FOXK2: variants seen among roughly 807,000 people sequenced by gnomAD.
The protein encoded by FOXK2 is forkhead box K2.
In FOXK2, 24 loss-of-function variants were observed where a neutral mutation model predicts 53.3. That is an observed-to-expected ratio of 0.45 (90% CI 0.33 to 0.63). FOXK2 has a LOEUF of 0.63. Ranked by LOEUF, FOXK2 falls within the 30% of genes least tolerant of loss-of-function variation. The pLI, the probability that FOXK2 is intolerant of heterozygous loss-of-function variation, is 0.03. For missense variants in FOXK2, 952 were observed against 910.5 expected, an observed-to-expected ratio of 1.05 and a Z score of -0.59; for synonymous variants, 505 against 407.1, an observed-to-expected ratio of 1.24 and a Z score of -2.89.
chr17:82,531,755 A>G lies in FOXK2; in HGVS notation c.419+11448A>G, dbSNP rs185224389. Among the ~76,000 whole-genome samples, 213 of 152,344 alleles carry G rather than the reference A, an allele frequency of 1.4e-3. 2 individuals carry two copies. The highest frequency in any genetic ancestry group is 3.4e-3 in the Middle Eastern group (1 of 294). On this transcript the variant is annotated intron_variant, in intron 1 of 8. Coordinates refer to ENST00000335255, the MANE Select transcript of FOXK2 (RefSeq NM_004514.4). ...TCAGCAGAGCTTGCAGGACGGGGTGAGTCAGTGAGTAAATGGTGAGTGAAT... is the reference window on the plus strand; with the variant it reads ...TCAGCAGAGCTTGCAGGACGGGGTGGGTCAGTGAGTAAATGGTGAGTGAAT...
At chr17:82,571,471 G>T (rs1460348633) in intron 3 of FOXK2, among the ~76,000 whole-genome samples, 1 of 152,000 alleles carries the variant, frequency 6.6e-6, no homozygotes, top group East Asian at 1.9e-4. Context: ...CGCGGTGGCA[G>T]GCGCCTGTGA....
intron 1 of FOXK2, among the ~76,000 whole-genome samples, chr17:82,526,843 AAAAG>A (rs1326466706): frequency 2.0e-5 from 3 of 152,126 alleles, no homozygotes; most frequent in Non-Finnish European, 2.9e-5. Context: ...AAAAAAAAAA[AAAAG>A]AAAGAAATGG....
At chr17:82,569,799 G>C (rs1396889544) in intron 3 of FOXK2, among the ~76,000 whole-genome samples, 2 of 151,868 alleles carry the variant, frequency 1.3e-5, no homozygotes, top group Non-Finnish European at 2.9e-5. Context: ...GTTCAAAGCT[G>C]TGGTGAGCTA....
chr17:82,550,863 A>G (rs1053577549), intron 1 of FOXK2, among the ~76,000 whole-genome samples: 6 of 152,168 alleles, frequency 3.9e-5, no homozygotes, highest in Non-Finnish European at 8.8e-5. Flanking sequence ...CCTTGTCTGT[A>G]TGGAAAAGTT....
intron 1 of FOXK2, among the ~76,000 whole-genome samples, chr17:82,538,409 CG>C (rs1599883220): frequency 6.6e-6 from 1 of 152,186 alleles, no homozygotes; most frequent in Admixed American, 6.5e-5. Flanking sequence ...CACTTGAGCC[CG>C]GGAAGTTGAG....
intron 1 of FOXK2, among the ~76,000 whole-genome samples, chr17:82,556,740 A>C (rs140133384): frequency 1.3e-5 from 2 of 151,772 alleles, no homozygotes; most frequent in African/African-American, 4.8e-5. Flanking sequence ...TTTGTCACCC[A>C]GGCTAGAGTG....
At position 82,586,130 on chromosome 17, in the gene FOXK2, C is replaced by T. The variant is rs7212607; in HGVS notation, c.1506C>T (p.Val502=). 6.2e-7 allele frequency: 1 copy of T among 1,612,506 alleles called. No individual in the cohort carries two copies. The highest frequency in any genetic ancestry group is 1.1e-5 in the South Asian group (1 of 91,060). ...ACACTGTCTCTGGACAAGCTGTGGTCACCCCGGCAGCCGTGCTGGCCCCTC... is the reference window on the plus strand; with the variant it reads ...ACACTGTCTCTGGACAAGCTGTGGTTACCCCGGCAGCCGTGCTGGCCCCTC... ...NTYTVSGQAV[V]TPAAVLAPPK... The change falls in exon 7 of 9, where the codon GTC becomes GTT. Residue 502 remains valine (V), a synonymous_variant. Coordinates refer to ENST00000335255, the MANE Select transcript of FOXK2 (RefSeq NM_004514.4).
At chr17:82,540,438 C>G (rs950050602) in intron 1 of FOXK2, among the ~76,000 whole-genome samples, 3 of 152,148 alleles carry the variant, frequency 2.0e-5, no homozygotes, top group Non-Finnish European at 4.4e-5. Context: ...TCCTTCTGCA[C>G]GTAATCTGTT....
At chr17:82,574,686 G>A (rs964193391) in intron 4 of FOXK2, among the ~76,000 whole-genome samples, 2 of 152,134 alleles carry the variant, frequency 1.3e-5, no homozygotes, top group Admixed American at 6.6e-5. Flanking sequence ...ACCCTCACGG[G>A]CTCTTCCTGT....
chr17:82,520,262 G>A lies in FOXK2; in HGVS notation c.374G>A (p.Gly125Asp). The A allele has an allele frequency of 1.6e-6, 2 of 1,281,120 alleles. No individual in the cohort carries two copies. The highest frequency in any genetic ancestry group is 2.0e-6 in the Non-Finnish European group (2 of 1,010,322). The allele number at this position is 1,281,120 out of a possible 1,614,324, so 79.4% of individuals were successfully genotyped here. The part of the protein sequence containing the change: ...CLGKNGVFVD[G>D]VFQRRGAPPL... ...GGCAAGAACGGGGTATTCGTGGACG[G>A]CGTGTTCCAGAGGCGCGGGGCGCCG... The change falls in exon 1 of 9, where the codon GGC becomes GAC. Residue 125 changes from glycine (G) to aspartate (D), a missense_variant. Coordinates refer to ENST00000335255, the MANE Select transcript of FOXK2 (RefSeq NM_004514.4).
intron 4 of FOXK2, among the ~76,000 whole-genome samples, chr17:82,574,229 G>T (rs570950419): frequency 6.6e-6 from 1 of 152,092 alleles, no homozygotes; most frequent in Non-Finnish European, 1.5e-5. Context: ...GGCCACTCCT[G>T]TGTCATTTCA....
At position 82,602,763 on chromosome 17, in the gene FOXK2, G is replaced by C. The variant is rs1003905027; in HGVS notation, c.*1264G>C. The C allele has an allele frequency of 6.6e-6, 1 of 152,278 alleles. No homozygotes were observed. The highest frequency in any genetic ancestry group is 2.1e-4 in the South Asian group (1 of 4,838). The allele number at this position is 152,278 out of a possible 1,614,324, so 9.4% of individuals were successfully genotyped here. ...GGGAGGTCCCTGCACCTCCTCGCCC[G>C]GCTCCTCAGGAAGAAAACCGCTGGC... On this transcript the variant is annotated 3_prime_UTR_variant, in exon 9 of 9. Transcript: ENST00000335255.
intron 1 of FOXK2, among the ~76,000 whole-genome samples, chr17:82,553,521 G>A (rs927013186): frequency 3.9e-5 from 6 of 152,372 alleles, no homozygotes; most frequent in Middle Eastern, 6.8e-3. Flanking sequence ...AATGGCAGGG[G>A]CTTTTGTTAT....
intron 1 of FOXK2, among the ~76,000 whole-genome samples, chr17:82,524,290 A>AT (rs1379930842): frequency 6.6e-6 from 1 of 152,248 alleles, no homozygotes; most frequent in African/African-American, 2.4e-5. Context: ...TTGGTCTCTT[A>AT]TTTGAACCAC....
rs180985046 is a variant in FOXK2, at chr17:82,601,573, C to A, written c.*74C>A. 617 of 1,454,558 alleles carry A rather than the reference C, an allele frequency of 4.2e-4. 2 individuals are homozygous for A. The African/African-American group carries it at 7.8e-3, about 18-fold the overall frequency. 90.1% of individuals were successfully genotyped at this position (1,454,558 alleles called of 1,614,324 possible). ...GGAGACGCGGCCTCCCGCCAGCACT[C>A]GGGGGTGCAGGGCCCTGTGGTTGGA... On this transcript the variant is annotated 3_prime_UTR_variant, in exon 9 of 9. Transcript: ENST00000335255.
chr17:82,521,363 G>A (rs927778060), intron 1 of FOXK2, among the ~76,000 whole-genome samples: 1 of 150,284 alleles, frequency 6.7e-6, no homozygotes, highest in African/African-American at 2.4e-5. Context: ...TAGTAGAGAC[G>A]GGGTTTCACC....
At position 82,587,134 on chromosome 17, in the gene FOXK2, C is replaced by G; in HGVS notation, c.1648C>G (p.Gln550Glu). 6.2e-7 allele frequency: 1 copy of G among 1,613,148 alleles called. No homozygotes were observed. The highest frequency in any genetic ancestry group is 8.5e-7 in the Non-Finnish European group (1 of 1,180,038). The change falls in exon 8 of 9, where the codon CAG becomes GAG. Residue 550 changes from glutamine (Q) to glutamate (E), a missense_variant. By Grantham distance (29) the Gln-to-Glu change is conservative. This residue lies in a region of FOXK2 where 551 missense variants were observed against 385.1 expected (regional missense o/e 1.43). Transcript: ENST00000335255. ...TGCCAGCCGGATCATTCAGACGGCA[C>G]AGACCACCCCGGTCCAGACGGTGAC... ...GTASRIIQTAQTTPVQTVTIV... is the reference protein window; with the variant it reads ...GTASRIIQTAETTPVQTVTIV...
chr17:82,575,684 G>A (rs1039644754), intron 4 of FOXK2, among the ~76,000 whole-genome samples: 12 of 152,186 alleles, frequency 7.9e-5, no homozygotes, highest in African/African-American at 2.7e-4. Flanking sequence ...TGTAGAGGAC[G>A]TCTCTTTCTG....
intron 8 of FOXK2, 36 bp downstream of exon 8, chr17:82,587,308 G>C (rs781198952): frequency 6.5e-7 from 1 of 1,533,166 alleles, no homozygotes. Context: ...CCGTGGCTGT[G>C]GGTACTGGGA....
Sources: allele counts gnomAD v4.1 joint callset (sites outside exome capture counted in the v4.1 genomes callset), GRCh38; gene constraint gnomAD v4.1.1; regional missense constraint gnomAD v4.1.1; transcripts MANE v1.5; gene names NCBI Gene and HGNC (gene_info 2026-07-23, HGNC 2026-07-21).